Variants in VWA8 observed in about 807,000 individuals in gnomAD.
The protein encoded by VWA8 is von Willebrand factor A domain containing 8.
In VWA8, 221 loss-of-function variants were observed where a neutral mutation model predicts 241.5. The ratio of observed to expected loss-of-function variants is 0.91; its 90% CI spans 0.82 to 1.02. The LOEUF (loss-of-function observed/expected upper bound fraction) is 1.02. Ranked by LOEUF, VWA8 falls within the 50% of genes least tolerant of loss-of-function variation. VWA8 has a pLI of 0.00. For synonymous variants in VWA8, 852 were observed against 827.1 expected (o/e 1.03, Z -0.52); for missense variants, 2,322 against 2,328.7 (o/e 1.00, Z 0.06).
In VWA8 at chr13:41,699,237, C is replaced by T; in HGVS notation, c.3398G>A (p.Cys1133Tyr). 6.2e-7 allele frequency: 1 copy of T among 1,614,154 alleles called. No homozygotes were observed. The highest frequency in any genetic ancestry group is 8.5e-7 in the Non-Finnish European group (1 of 1,180,000). Residue 1133 changes from cysteine to tyrosine, a missense_variant, in exon 29 of 45, where the codon TGC becomes TAC. Cys to Tyr is a radical substitution (Grantham distance 194, BLOSUM62 -2). Coordinates refer to ENST00000379310, the MANE Select transcript of VWA8 (RefSeq NM_015058.2). ...CATAAAGTACAGGGAAGCGGGATTG[C>T]ATGTAACTACATAGAGAGTATTTTG... is the stretch of plus-strand genomic sequence containing the variant. ...NEQNTLYVVT[C>Y]NPASLYFMNM...
intron 12 of VWA8, among the ~76,000 whole-genome samples, chr13:41,840,712 T>C (rs984864666): frequency 1.3e-5 from 2 of 151,116 alleles, no homozygotes; most frequent in African/African-American, 4.9e-5. Flanking sequence ...TGAGCCAAGA[T>C]TGCACCACCG....
chr13:41,816,769 T>G lies in VWA8; in HGVS notation c.1876A>C (p.Asn626His), dbSNP rs1167927874. Residue 626 changes from asparagine to histidine, a missense_variant, in exon 16 of 45, where the codon AAT becomes CAT. Asn to His is a moderately conservative substitution (Grantham distance 68). Transcript: ENST00000379310. Reference protein sequence around the residue: ...EIQVIKEKVPNVPQEALDKLL... With the variant: ...EIQVIKEKVPHVPQEALDKLL... ...TTATCCAGAGCTTCCTGAGGTACAT[T>G]TGGGACCTATTTTTTGAAAGAGTTG... The G allele has an allele frequency of 1.2e-6, 2 of 1,612,450 alleles. No homozygotes were observed. The highest frequency in any genetic ancestry group is 4.5e-5 in the East Asian group (2 of 44,800).
intron 21 of VWA8, among the ~76,000 whole-genome samples, chr13:41,757,198 C>T (rs751062601): frequency 6.6e-6 from 1 of 151,656 alleles, no homozygotes; most frequent in African/African-American, 2.4e-5. Context: ...GAAATAATTA[C>T]AAGTAAGAAC....
chr13:41,602,787 T>C (rs2139654926), intron 40 of VWA8, among the ~76,000 whole-genome samples: 1 of 152,220 alleles, frequency 6.6e-6, no homozygotes, highest in East Asian at 1.9e-4. Context: ...AGAATGACAA[T>C]AATGATGGAG....
chr13:41,586,055 T>C (rs2044415897), intron 42 of VWA8, among the ~76,000 whole-genome samples: 1 of 151,878 alleles, frequency 6.6e-6, no homozygotes, highest in Admixed American at 6.6e-5. Flanking sequence ...TGTCTAAAAA[T>C]TCTTTAGTCA....
At chr13:41,663,210 C>T (rs1277272052) in intron 37 of VWA8, among the ~76,000 whole-genome samples, 4 of 151,922 alleles carry the variant, frequency 2.6e-5, no homozygotes, top group African/African-American at 7.3e-5. Flanking sequence ...AATTAACCAG[C>T]TTATTCAGTT....
intron 7 of VWA8, among the ~76,000 whole-genome samples, chr13:41,886,376 A>AAAAC (rs915672341): frequency 2.0e-5 from 3 of 152,208 alleles, no homozygotes; most frequent in Admixed American, 1.3e-4. Context: ...CCATGCTTTT[A>AAAAC]AAACAAACAA....
intron 40 of VWA8, among the ~76,000 whole-genome samples, chr13:41,598,422 T>C (rs1283459113): frequency 1.3e-5 from 2 of 152,102 alleles, no homozygotes; most frequent in Admixed American, 1.3e-4. Flanking sequence ...TATTTGAGTT[T>C]TTAAAAAATA....
At chr13:41,592,337 G>T (rs2044461002) in intron 40 of VWA8, among the ~76,000 whole-genome samples, 1 of 127,186 alleles carries the variant, frequency 7.9e-6, no homozygotes, top group Non-Finnish European at 1.6e-5. Flanking sequence ...GAGGGGGGAG[G>T]GGATAGCTTT....
At chr13:41,571,283 G>A (rs115613913) in intron 43 of VWA8, among the ~76,000 whole-genome samples, 1,339 of 119,816 alleles carry the variant, frequency 0.011, 23 homozygotes, top group African/African-American at 0.038. Context: ...TCCCTCTCCC[G>A]TCTCCCTCTC....
chr13:41,586,314 CAA>C (rs1409800240), intron 42 of VWA8, among the ~76,000 whole-genome samples: 1 of 152,182 alleles, frequency 6.6e-6, no homozygotes, highest in Non-Finnish European at 1.5e-5. Flanking sequence ...CAACTAAAAC[CAA>C]GAGGGAATCT....
chr13:41,767,188 T>TC (rs1314225972), intron 20 of VWA8, among the ~76,000 whole-genome samples: 1 of 152,094 alleles, frequency 6.6e-6, no homozygotes, highest in Non-Finnish European at 1.5e-5. Context: ...GTTAGAAAAC[T>TC]CCCCACATTA....
chr13:41,924,498 GA>G (rs1197038082), intron 2 of VWA8, among the ~76,000 whole-genome samples: 1 of 151,956 alleles, frequency 6.6e-6, no homozygotes, highest in African/African-American at 2.4e-5. Flanking sequence ...AAAACAGAGT[GA>G]AAAAGAGTGA....
At position 41,703,412 on chromosome 13, in the gene VWA8, C is replaced by A. The variant is rs369922425; in HGVS notation, c.3117-1G>T. On this transcript the variant is annotated splice_acceptor_variant, in intron 26 of 44. Transcript: ENST00000379310. LOFTEE classifies it high-confidence loss of function. ...GAACGTTTGTTCTGGCAGAGTCAAC[C>A]TGTTAAGGATGATTTGCAAAGTAAA... The A allele has an allele frequency of 2.7e-5, 44 of 1,613,576 alleles. No individual in the cohort carries two copies. Among genetic ancestry groups the A allele is most frequent in the Non-Finnish European group, 3.5e-5 (41 of 1,179,762 alleles).
At chr13:41,600,210 C>T (rs184663439) in intron 40 of VWA8, among the ~76,000 whole-genome samples, 30 of 152,186 alleles carry the variant, frequency 2.0e-4, no homozygotes, top group African/African-American at 5.3e-4. Context: ...TTTCTCCTGA[C>T]GTGGGGTTTT....
At chr13:41,695,947 A>G (rs1306059171) in intron 29 of VWA8, 2 of 152,238 alleles carry the variant, frequency 1.3e-5, no homozygotes, top group African/African-American at 4.8e-5. Context: ...TTGTGTATGT[A>G]AATTTGACAG....
At chr13:41,736,509 A>G (rs908487873) in intron 21 of VWA8, among the ~76,000 whole-genome samples, 7 of 152,320 alleles carry the variant, frequency 4.6e-5, no homozygotes, top group African/African-American at 1.4e-4. Flanking sequence ...AAGGTACATT[A>G]AGTTAGTATC....
In VWA8 at chr13:41,863,280, C is replaced by T. The variant is rs982445157; in HGVS notation, c.1425+2456G>A. ...TCTCCAGTTTTGAGACTTGGAGTGGCTCTCCTTGCTCCTCAAGCTTGCAGA... is the reference window on the plus strand; with the variant it reads ...TCTCCAGTTTTGAGACTTGGAGTGGTTCTCCTTGCTCCTCAAGCTTGCAGA... On this transcript the variant is annotated intron_variant, in intron 12 of 44. Coordinates refer to ENST00000379310, the MANE Select transcript of VWA8 (RefSeq NM_015058.2). Among the ~76,000 whole-genome samples the T allele has an allele frequency of 2.7e-5, 4 of 149,506 alleles. No individual in the cohort carries two copies. In the South Asian group the frequency reaches 6.3e-4, roughly 23 times the overall value.
At chr13:41,921,675 C>T (rs922374588) in intron 2 of VWA8, among the ~76,000 whole-genome samples, 6 of 152,248 alleles carry the variant, frequency 3.9e-5, no homozygotes, top group South Asian at 2.1e-4. Flanking sequence ...GAGTGAACTC[C>T]CATTCACAAT....
Sources: allele counts gnomAD v4.1 joint callset (sites outside exome capture counted in the v4.1 genomes callset), GRCh38; gene constraint gnomAD v4.1.1; transcripts MANE v1.5; gene names NCBI Gene and HGNC (gene_info 2026-07-23, HGNC 2026-07-21).